CSMD1: variants seen among roughly 807,000 people sequenced by gnomAD.
The protein encoded by CSMD1 is CUB and Sushi multiple domains 1.
Under a neutral mutation model 417.5 loss-of-function variants are expected in CSMD1, and 213 were observed. That is an observed-to-expected ratio of 0.51 (90% CI 0.46 to 0.57). The LOEUF (loss-of-function observed/expected upper bound fraction) is 0.57, where lower values mean the gene tolerates loss of function less well. Among genes scored for constraint, CSMD1 ranks in the 20% least tolerant of loss-of-function variants. The pLI is 0.00. For synonymous variants in CSMD1, 2,862 were observed against 1,736.8 expected (o/e 1.65, Z -16.11); for missense variants, 6,923 against 4,529.7 (o/e 1.53, Z -15.17).
intron 1 of CSMD1, among the ~76,000 whole-genome samples, chr8:4,775,153 T>C (rs941606821): frequency 6.6e-6 from 1 of 152,220 alleles, no homozygotes; most frequent in Non-Finnish European, 1.5e-5. Flanking sequence ...CAGGAAACCA[T>C]GCAGTAATTC....
At chr8:3,213,647 A>G (rs1197779756) in intron 30 of CSMD1, among the ~76,000 whole-genome samples, 1 of 151,318 alleles carries the variant, frequency 6.6e-6, no homozygotes. Context: ...TTCTCTCTAT[A>G]TATATACAGA....
chr8:3,539,098 C>T (rs943208676), intron 10 of CSMD1, among the ~76,000 whole-genome samples: 1 of 152,178 alleles, frequency 6.6e-6, no homozygotes, highest in Non-Finnish European at 1.5e-5. Context: ...TGCCCCAGTC[C>T]CTTTCCCTGC....
rs373835690 is a variant in CSMD1 at position 3,238,174 on chromosome 8, C to T, written c.4154-7943G>A. 2.6e-5 allele frequency among the ~76,000 whole-genome samples: 4 copies of T among 151,672 alleles called. No homozygotes were observed. In the East Asian group the frequency reaches 5.8e-4, roughly 22 times the overall value. On this transcript the variant is annotated intron_variant, in intron 26 of 69. Transcript: ENST00000635120. ...ATTACAGTCAAAGGGGGGTTGTTCT[C>T]TGGTGGGCAGGTGTGGGGGTGTCAC...
intron 5 of CSMD1, among the ~76,000 whole-genome samples, chr8:3,937,348 A>G (rs1396275880): frequency 1.3e-5 from 2 of 152,166 alleles, no homozygotes; most frequent in African/African-American, 4.8e-5. Context: ...GAAATATTTC[A>G]TTAAAGGAGG....
intron 5 of CSMD1, among the ~76,000 whole-genome samples, chr8:3,869,196 C>G (rs1340624339): frequency 6.6e-6 from 1 of 152,178 alleles, no homozygotes; most frequent in East Asian, 1.9e-4. Flanking sequence ...GGCTTCTGCA[C>G]TAGGCCCTCC....
At chr8:4,103,749 C>G (rs930537045) in intron 3 of CSMD1, among the ~76,000 whole-genome samples, 2 of 152,096 alleles carry the variant, frequency 1.3e-5, no homozygotes, top group African/African-American at 2.4e-5. Context: ...GTAGGAAAAG[C>G]TGAAACTTCT....
intron 3 of CSMD1, among the ~76,000 whole-genome samples, chr8:4,191,765 G>T (rs913672056): frequency 1.3e-5 from 2 of 149,316 alleles, no homozygotes; most frequent in Non-Finnish European, 3.0e-5. Context: ...AAAAAAAATG[G>T]TGGTTCAGTT....
At chr8:4,296,696 GTTT>G (rs371696159) in intron 3 of CSMD1, among the ~76,000 whole-genome samples, 45 of 114,856 alleles carry the variant, frequency 3.9e-4, no homozygotes, top group Middle Eastern at 5.8e-3. Flanking sequence ...GAAAATAAGG[GTTT>G]TTTTTTTTTT....
intron 3 of CSMD1, among the ~76,000 whole-genome samples, chr8:4,234,781 TG>T (rs1344113847): frequency 2.0e-5 from 3 of 152,124 alleles, no homozygotes; most frequent in African/African-American, 4.8e-5. Flanking sequence ...TGGGCTAACT[TG>T]CCCCCAGATA....
At chr8:3,098,749 G>A (rs985238277) in intron 46 of CSMD1, among the ~76,000 whole-genome samples, 21 of 152,078 alleles carry the variant, frequency 1.4e-4, no homozygotes, top group African/African-American at 5.1e-4. Flanking sequence ...ATCTGTGCAG[G>A]CTAGGACCTC....
intron 29 of CSMD1, among the ~76,000 whole-genome samples, chr8:3,216,869 T>C (rs1797911141): frequency 6.6e-6 from 1 of 152,252 alleles, no homozygotes; most frequent in Non-Finnish European, 1.5e-5. Context: ...AAGAACTGGA[T>C]CTGTCACCTG....
At chr8:3,859,465 G>A (rs191041119) in intron 5 of CSMD1, among the ~76,000 whole-genome samples, 10 of 152,290 alleles carry the variant, frequency 6.6e-5, no homozygotes, top group African/African-American at 2.4e-4. Flanking sequence ...TTTGTGCTTG[G>A]TTTCTGGGAG....
chr8:3,509,519 G>A (rs1252654794), intron 10 of CSMD1, among the ~76,000 whole-genome samples: 1 of 152,098 alleles, frequency 6.6e-6, no homozygotes, highest in Non-Finnish European at 1.5e-5. Flanking sequence ...AATGAAGAAG[G>A]TAGGCTATTC....
intron 10 of CSMD1, among the ~76,000 whole-genome samples, chr8:3,504,209 T>A (rs1319920721): frequency 1.3e-5 from 2 of 151,908 alleles, no homozygotes; most frequent in Non-Finnish European, 2.9e-5. Flanking sequence ...ATGTACCCCA[T>A]AAACAGGTAC....
chr8:4,145,856 C>G lies in CSMD1; in HGVS notation c.416-113757G>C, dbSNP rs1039768404. Among the ~76,000 whole-genome samples, 11 of 151,128 alleles carry G rather than the reference C, an allele frequency of 7.3e-5. 1 individual carries two copies. The highest frequency in any genetic ancestry group is 2.2e-4 in the African/African-American group (9 of 40,436). On this transcript the variant is annotated intron_variant, in intron 3 of 69. Transcript: ENST00000635120. Reference sequence around the variant, plus strand: ...CAGGAAGCAGAGCCGTTCACACCAGCTTTGAATTTGTTGAGTTTTCAAAAT... The same window carrying G: ...CAGGAAGCAGAGCCGTTCACACCAGGTTTGAATTTGTTGAGTTTTCAAAAT...
intron 7 of CSMD1, among the ~76,000 whole-genome samples, chr8:3,619,351 G>A (rs926245439): frequency 6.6e-6 from 1 of 150,698 alleles, no homozygotes; most frequent in Non-Finnish European, 1.5e-5. Context: ...CAAACATGGA[G>A]CACGGTAGTT....
chr8:4,226,447 A>C (rs530914049), intron 3 of CSMD1, among the ~76,000 whole-genome samples: 1 of 152,346 alleles, frequency 6.6e-6, no homozygotes, highest in African/African-American at 2.4e-5. Context: ...ACACAAAAAC[A>C]GCAAAGAATT....
chr8:3,489,324 T>C (rs761825258), intron 11 of CSMD1, among the ~76,000 whole-genome samples: 7 of 152,342 alleles, frequency 4.6e-5, no homozygotes, highest in African/African-American at 9.6e-5. Flanking sequence ...TGCTCACAGA[T>C]GTCCCTAATA....
At chr8:4,769,878 T>A (rs1796517429) in intron 1 of CSMD1, among the ~76,000 whole-genome samples, 1 of 152,200 alleles carries the variant, frequency 6.6e-6, no homozygotes, top group Non-Finnish European at 1.5e-5. Flanking sequence ...ACCACTAACA[T>A]CATTTTTTCC....
Sources: gnomAD v4.1 joint callset for allele counts (sites outside exome capture counted in the v4.1 genomes callset) on GRCh38, gnomAD v4.1.1 for gene constraint, MANE v1.5 for transcripts, NCBI Gene and HGNC (gene_info 2026-07-23, HGNC 2026-07-21) for gene names.